Variants in MTCL2 observed in about 807,000 individuals in gnomAD.
MTCL2 encodes microtubule crosslinking factor 2.
At chr20:36,850,792 T>C in the MTCL2 span, among the ~76,000 whole-genome samples, 1 of 152,196 alleles carries the variant, frequency 6.6e-6, no homozygotes, top group African/African-American at 2.4e-5. Context: ...TCTCCAATGA[T>C]CACCAAAACC....
At chr20:36,797,535 C>T in the MTCL2 span, 10 of 1,556,686 alleles carry the variant, frequency 6.4e-6, no homozygotes, top group African/African-American at 5.5e-5. Context: ...TCTCCAGCTC[C>T]GAGTGCTTCA....
the MTCL2 span, among the ~76,000 whole-genome samples, chr20:36,790,902 T>C: frequency 9.2e-5 from 14 of 152,082 alleles, no homozygotes; most frequent in African/African-American, 1.9e-4. Context: ...TTAAAAGATG[T>C]TTTTAAATGT....
chr20:36,822,813 A>G, the MTCL2 span, among the ~76,000 whole-genome samples: 1 of 150,240 alleles, frequency 6.7e-6, no homozygotes, highest in Non-Finnish European at 1.5e-5. Context: ...GCTGGAGTGC[A>G]GTGGCATGAT....
At chr20:36,817,266 C>CAAA in the MTCL2 span, 332 of 516,484 alleles carry the variant, frequency 6.4e-4, no homozygotes, top group Non-Finnish European at 7.5e-4. Context: ...GACTCCGTCT[C>CAAA]AAAAAAAAAA....
chr20:36,823,728 A>G, the MTCL2 span, among the ~76,000 whole-genome samples: 2 of 152,262 alleles, frequency 1.3e-5, no homozygotes, highest in East Asian at 3.9e-4. Context: ...GGATCTCTTG[A>G]GCCCGGAAGT....
chr20:36,805,724 G>C, the MTCL2 span: 3 of 760,510 alleles, frequency 3.9e-6, no homozygotes, highest in South Asian at 5.7e-5. Context: ...TACTGCCCTG[G>C]GATGACCAGG....
the MTCL2 span, among the ~76,000 whole-genome samples, chr20:36,813,926 C>A: frequency 5.9e-5 from 9 of 152,120 alleles, no homozygotes; most frequent in Non-Finnish European, 1.2e-4. Flanking sequence ...CCTGGACACA[C>A]CACGCTCCTT....
the MTCL2 span, among the ~76,000 whole-genome samples, chr20:36,853,702 GGTGTGTGTGTGTGTGT>G: frequency 1.5e-4 from 22 of 143,934 alleles, no homozygotes; most frequent in East Asian, 1.3e-3. Flanking sequence ...ATCAGGGAGG[GGTGTGTGTGTGTGTGT>G]GTGTGTGTGT....
At chr20:36,842,864 G>A in the MTCL2 span, among the ~76,000 whole-genome samples, 1 of 152,194 alleles carries the variant, frequency 6.6e-6, no homozygotes, top group Non-Finnish European at 1.5e-5. Context: ...GAGGATGGCA[G>A]TGATGGAAGC....
the MTCL2 span, chr20:36,829,326 C>T: frequency 9.6e-7 from 1 of 1,040,682 alleles, no homozygotes; most frequent in Non-Finnish European, 1.4e-6. Flanking sequence ...AGGCAGGTTC[C>T]TATCGCATCA....
At chr20:36,786,294 C>T in the MTCL2 span, 1 of 1,285,836 alleles carries the variant, frequency 7.8e-7, no homozygotes, top group Non-Finnish European at 9.9e-7. Flanking sequence ...AGCTCACCAC[C>T]CAGGGGCCAG....
the MTCL2 span, among the ~76,000 whole-genome samples, chr20:36,825,198 C>G: frequency 6.6e-6 from 1 of 152,194 alleles, no homozygotes; most frequent in East Asian, 1.9e-4. Flanking sequence ...CCGCCTTGGC[C>G]TCCCAAAGTG....
the MTCL2 span, among the ~76,000 whole-genome samples, chr20:36,851,219 A>T: frequency 1.2e-4 from 18 of 152,270 alleles, no homozygotes; most frequent in African/African-American, 4.3e-4. Flanking sequence ...TTTGTACAAT[A>T]TATTATACAG....
At chr20:36,777,948 T>A in the MTCL2 span, 1 of 578,320 alleles carries the variant, frequency 1.7e-6, no homozygotes, top group Non-Finnish European at 3.1e-6. Context: ...GGAGTTAAGA[T>A]TTCTTTCAGT....
chr20:36,840,771 A>G, the MTCL2 span, among the ~76,000 whole-genome samples: 1 of 151,808 alleles, frequency 6.6e-6, no homozygotes, highest in Non-Finnish European at 1.5e-5. Flanking sequence ...GCGTGAACCC[A>G]GGAGGCGGAG....
the MTCL2 span, chr20:36,862,578 G>T: frequency 7.6e-7 from 1 of 1,319,342 alleles, no homozygotes; most frequent in South Asian, 1.7e-5. Context: ...TGGGAAGGAG[G>T]GCCGGCTGGT....
chr20:36,804,904 T>C, the MTCL2 span: 3 of 1,606,148 alleles, frequency 1.9e-6, no homozygotes, highest in Non-Finnish European at 8.5e-7. Flanking sequence ...CTCATTGGGC[T>C]GCAGACAGGA....
At chr20:36,797,597 G>A in the MTCL2 span, 2 of 1,552,540 alleles carry the variant, frequency 1.3e-6, no homozygotes, top group Non-Finnish European at 1.7e-6. Flanking sequence ...GAGAGGGTGG[G>A]TCGGTAATGG....
At chr20:36,817,286 AAAAG>A in the MTCL2 span, 1 of 890,316 alleles carries the variant, frequency 1.1e-6, no homozygotes. Context: ...AAAAAAAAAG[AAAAG>A]AAAAAAAGGA....
Sources: gnomAD v4.1 joint callset for allele counts (sites outside exome capture counted in the v4.1 genomes callset) on GRCh38, gnomAD v4.1.1 for gene constraint, MANE v1.5 for transcripts, NCBI Gene and HGNC (gene_info 2026-07-23, HGNC 2026-07-21) for gene names.